Variants in CLTCL1 observed in about 807,000 individuals in gnomAD.
The protein encoded by CLTCL1 is clathrin heavy chain like 1.
CLTCL1 carries 159 observed loss-of-function variants against 190.0 expected under a neutral mutation model. That is an observed-to-expected ratio of 0.84 (90% CI 0.74 to 0.95). The LOEUF is 0.95. Among genes scored for constraint, CLTCL1 ranks in the 40% least tolerant of loss-of-function variants. The pLI, the probability that CLTCL1 is intolerant of heterozygous loss-of-function variation, is 0.00. For missense variants in CLTCL1, 1,878 were observed against 2,033.4 expected (o/e 0.92, Z 1.47); for synonymous variants, 752 against 769.6 (o/e 0.98, Z 0.38).
chr22:19,245,186 CTTTT>C (rs1194266137), intron 3 of CLTCL1, among the ~76,000 whole-genome samples: 1 of 118,836 alleles, frequency 8.4e-6, no homozygotes, highest in African/African-American at 3.1e-5. Flanking sequence ...TCTCCCCCTC[CTTTT>C]TTTTTTTTTT....
intron 7 of CLTCL1, among the ~76,000 whole-genome samples, chr22:19,234,020 T>TGAA (rs1370906916): frequency 6.6e-6 from 1 of 152,144 alleles, no homozygotes; most frequent in Non-Finnish European, 1.5e-5. Flanking sequence ...ACAAGCAACT[T>TGAA]GAAAGTCTTT....
At chr22:19,220,507 G>A (rs974237430) in intron 17 of CLTCL1, among the ~76,000 whole-genome samples, 1 of 152,238 alleles carries the variant, frequency 6.6e-6, no homozygotes, top group Non-Finnish European at 1.5e-5. Flanking sequence ...ACTGTAAACT[G>A]TGCTTTCACT....
At chr22:19,190,775 CT>C (rs545585516) in intron 27 of CLTCL1, among the ~76,000 whole-genome samples, 9,670 of 143,000 alleles carry the variant, frequency 0.068, 341 homozygotes, top group Middle Eastern at 0.2. Context: ...AACCTCCAAT[CT>C]TTTTTTTTTT....
intron 2 of CLTCL1, among the ~76,000 whole-genome samples, chr22:19,271,321 G>A (rs1269504958): frequency 6.6e-6 from 1 of 152,180 alleles, no homozygotes; most frequent in Non-Finnish European, 1.5e-5. Flanking sequence ...GGATCATGGA[G>A]GCAGATTTCC....
intron 2 of CLTCL1, chr22:19,258,172 A>G: frequency 2.8e-6 from 1 of 353,614 alleles, no homozygotes; most frequent in Non-Finnish European, 5.5e-6. Flanking sequence ...AGAACCATGA[A>G]GAGGGAGTAA....
At chr22:19,266,990 A>G (rs2087141768) in intron 2 of CLTCL1, among the ~76,000 whole-genome samples, 1 of 152,216 alleles carries the variant, frequency 6.6e-6, no homozygotes, top group South Asian at 2.1e-4. Flanking sequence ...TGGGTATTCT[A>G]GCCGATGCAA....
At chr22:19,206,383 C>CA (rs1426606055) in intron 22 of CLTCL1, among the ~76,000 whole-genome samples, 2 of 152,042 alleles carry the variant, frequency 1.3e-5, no homozygotes, top group Non-Finnish European at 2.9e-5. Flanking sequence ...GCTGTGATTA[C>CA]AAGTGCATGC....
At chr22:19,194,711 CA>C (rs573721423) in intron 26 of CLTCL1, among the ~76,000 whole-genome samples, 194 of 152,346 alleles carry the variant, frequency 1.3e-3, no homozygotes, top group African/African-American at 4.1e-3. Context: ...TGGAGAGAGA[CA>C]GTGAATGGCT....
rs1555931933 is a variant in CLTCL1 at position 19,191,382 on chromosome 22, T to C, written c.4245A>G (p.Lys1415=). The change falls in exon 27 of 33, where the codon AAA becomes AAG. Residue 1415 remains lysine (K), a synonymous_variant. Coordinates refer to ENST00000427926, the MANE Select transcript of CLTCL1 (RefSeq NM_007098.4). ...GCAGCAGGTCATTGATGAGCAGTGG[T>C]TTGTAATCCAAATAGAACTGCAGGG... ...YRALQFYLDY[K]PLLINDLLLV... 6.2e-7 allele frequency: 1 copy of C among 1,613,858 alleles called. No homozygotes were observed. The highest frequency in any genetic ancestry group is 1.1e-5 in the South Asian group (1 of 91,082).
At chr22:19,258,838 A>G in intron 2 of CLTCL1, 1 of 609,614 alleles carries the variant, frequency 1.6e-6, no homozygotes, top group African/African-American at 1.9e-5. Flanking sequence ...TTTGGGGAGC[A>G]GGAGGCCAGT....
chr22:19,192,402 C>T (rs561337499), intron 26 of CLTCL1, among the ~76,000 whole-genome samples: 7 of 152,270 alleles, frequency 4.6e-5, no homozygotes, highest in African/African-American at 1.7e-4. Flanking sequence ...ACTGTGGCAT[C>T]GATGTCCAGG....
chr22:19,250,420 C>T (rs1328282153), intron 3 of CLTCL1, among the ~76,000 whole-genome samples: 2 of 150,842 alleles, frequency 1.3e-5, no homozygotes, highest in South Asian at 2.1e-4. Context: ...CTCACTGTAA[C>T]CTTGAACTCC....
chr22:19,198,448 G>A lies in CLTCL1; in HGVS notation c.3873+1286C>T, dbSNP rs1279136138. ...CCTGCACCCATCCCAAGTACAGCCCGTGACCTTCCTAACGGCCTGAGATCT... is the reference window on the plus strand; with the variant it reads ...CCTGCACCCATCCCAAGTACAGCCCATGACCTTCCTAACGGCCTGAGATCT... On this transcript the variant is annotated intron_variant, in intron 24 of 32. Transcript: ENST00000427926. The surrounding 1 kb of genome is among the most constrained non-coding windows in gnomAD (Gnocchi z 4.1). Among the ~76,000 whole-genome samples, 2 of 151,988 alleles carry A rather than the reference G, an allele frequency of 1.3e-5. No homozygotes were observed. Among genetic ancestry groups the A allele is most frequent in the Non-Finnish European group, 2.9e-5 (2 of 67,994 alleles).
intron 27 of CLTCL1, among the ~76,000 whole-genome samples, chr22:19,190,339 A>G (rs2084451929): frequency 6.6e-6 from 1 of 152,228 alleles, no homozygotes; most frequent in Non-Finnish European, 1.5e-5. Context: ...GGGCACGGCC[A>G]GTCAGCGGAG....
chr22:19,202,658 C>G (rs1370761475), intron 22 of CLTCL1, among the ~76,000 whole-genome samples: 1 of 150,266 alleles, frequency 6.7e-6, no homozygotes, highest in African/African-American at 2.4e-5. Context: ...CCTCTTGTAC[C>G]ACCCCTACAC....
Position 19,223,890 on chromosome 22 carries a change from C to A in CLTCL1, c.2292+1G>T. The A allele has an allele frequency of 6.2e-7, 1 of 1,613,414 alleles. No homozygotes were observed. The highest frequency in any genetic ancestry group is 8.5e-7 in the Non-Finnish European group (1 of 1,179,846). ...TGGAAGGAGGCAGCACTGGAACACA[C>A]CTTCAGGAAGTTCTTCACACGCTCT... is the stretch of plus-strand genomic sequence containing the variant. On this transcript the variant is annotated splice_donor_variant, in intron 14 of 32. Transcript: ENST00000427926. LOFTEE classifies it high-confidence loss of function.
chr22:19,205,983 G>A (rs1239530185), intron 22 of CLTCL1, among the ~76,000 whole-genome samples: 1 of 150,188 alleles, frequency 6.7e-6, no homozygotes, highest in African/African-American at 2.5e-5. Flanking sequence ...TTGGAGTGCA[G>A]TGGCACAATC....
intron 19 of CLTCL1, 121 bp downstream of exon 19, chr22:19,215,990 T>G (rs1601545051): frequency 2.3e-6 from 2 of 878,222 alleles, no homozygotes; most frequent in East Asian, 5.3e-5. Flanking sequence ...TTGGCATGTC[T>G]GGGGAGCAGC....
chr22:19,232,793 T>C, intron 9 of CLTCL1, 195 bp from the exon 10 acceptor site: 2 of 766,580 alleles, frequency 2.6e-6, no homozygotes, highest in Non-Finnish European at 4.0e-6. Context: ...AAGGCACAAT[T>C]AACTATACAA....
Sources: gnomAD v4.1 joint callset for allele counts (sites outside exome capture counted in the v4.1 genomes callset) on GRCh38, gnomAD v4.1.1 for gene constraint, Gnocchi (gnomAD v3.1) non-coding constraint, MANE v1.5 for transcripts, NCBI Gene and HGNC (gene_info 2026-07-23, HGNC 2026-07-21) for gene names.